PPP2R2A: variants seen among roughly 807,000 people sequenced by gnomAD.
PPP2R2A encodes serine/threonine-protein phosphatase 2A 55 kDa regulatory subunit B alpha isoform.
In PPP2R2A, 9 loss-of-function variants were observed where a neutral mutation model predicts 53.2. The observed-to-expected ratio is 0.17, with a 90% CI of 0.10 to 0.30. PPP2R2A has a LOEUF of 0.30. Ranked by LOEUF, PPP2R2A falls within the 10% of genes least tolerant of loss-of-function variation. The pLI, the probability that PPP2R2A is intolerant of heterozygous loss-of-function variation, is 1.00. For synonymous variants in PPP2R2A, 169 were observed against 174.2 expected (o/e 0.97, Z 0.23); for missense variants, 235 against 534.6 (o/e 0.44, Z 5.53).
chr8:26,354,692 G>A lies in PPP2R2A; in HGVS notation c.346+59G>A. ...TGTGTGTACCTGTTGCACATATCCT[G>A]TAGCCTAGGAGAGGAATCATTTAAC... On this transcript the variant is annotated intron_variant, in intron 4 of 9. Transcript: ENST00000380737. The surrounding 1 kb of genome is among the most constrained non-coding windows in gnomAD (Gnocchi z 4.6). 2 of 1,341,022 alleles carry A rather than the reference G, an allele frequency of 1.5e-6. No individual in the cohort carries two copies. Among genetic ancestry groups the A allele is most frequent in the Non-Finnish European group, 2.0e-6 (2 of 1,019,888 alleles). 83.1% of individuals were successfully genotyped at this position (1,341,022 alleles called of 1,614,324 possible). A position where few individuals can be genotyped will look rare whatever the true frequency, so the allele number is the denominator to read the frequency against.
chr8:26,324,524 G>A (rs897395972), intron 2 of PPP2R2A, among the ~76,000 whole-genome samples: 1 of 152,176 alleles, frequency 6.6e-6, no homozygotes, highest in Non-Finnish European at 1.5e-5. Flanking sequence ...ATGCCTGGAT[G>A]CCCAGACAGA....
At chr8:26,293,116 G>A in intron 1 of PPP2R2A, 1 of 885,558 alleles carries the variant, frequency 1.1e-6, no homozygotes, top group Non-Finnish European at 1.7e-6. Context: ...CATTCATTTC[G>A]GTTTCTTTTC....
At chr8:26,341,752 T>A (rs1208903962) in intron 3 of PPP2R2A, among the ~76,000 whole-genome samples, 1 of 152,170 alleles carries the variant, frequency 6.6e-6, no homozygotes, top group Non-Finnish European at 1.5e-5. Context: ...GTGGCAGGGT[T>A]CCTTCTTAAA....
At chr8:26,333,479 C>G (rs1215102507) in intron 2 of PPP2R2A, 5 of 1,215,498 alleles carry the variant, frequency 4.1e-6, no homozygotes, top group African/African-American at 1.5e-5. Flanking sequence ...TGATTAATTT[C>G]TTTCAGATCA....
intron 4 of PPP2R2A, among the ~76,000 whole-genome samples, chr8:26,356,335 C>T (rs1370828616): frequency 6.6e-6 from 1 of 152,126 alleles, no homozygotes; most frequent in Admixed American, 6.5e-5. Context: ...CTCCTGGGTG[C>T]CCGTTTTTCT....
chr8:26,321,686 T>C lies in PPP2R2A; in HGVS notation c.83-17204T>C, dbSNP rs1802848624. ...CCTGTCAGCAGCCAGGCGCACGAGC[T>C]TGGAAGTAGATCTCCTCCTCCAGTC... is the stretch of plus-strand genomic sequence containing the variant. On this transcript the variant is annotated intron_variant, in intron 2 of 9. Transcript: ENST00000380737. This position sits in a 1 kb window ranked among gnomAD's most constrained non-coding sequence, Gnocchi z 4.1. Among the ~76,000 whole-genome samples the C allele has an allele frequency of 6.6e-6, 1 of 152,194 alleles. No homozygotes were observed. The highest frequency in any genetic ancestry group is 6.5e-5 in the Admixed American group (1 of 15,276).
chr8:26,370,749 G>A lies in PPP2R2A; in HGVS notation c.*336G>A, dbSNP rs1805631328. 1.3e-5 allele frequency: 4 copies of A among 304,284 alleles called. No individual in the cohort carries two copies. The Admixed American group carries it at 1.8e-4, about 14-fold the overall frequency. 18.8% of individuals were successfully genotyped at this position (304,284 alleles called of 1,614,324 possible). On this transcript the variant is annotated 3_prime_UTR_variant, in exon 10 of 10. Coordinates refer to ENST00000380737, the MANE Select transcript of PPP2R2A (RefSeq NM_002717.4). The surrounding 1 kb of genome is among the most constrained non-coding windows in gnomAD (Gnocchi z 6.1). ...CCATTGTGATGACGTCAAACACAGT[G>A]AAAGCCTTCAGTCATGCTATGGGAT...
At chr8:26,346,904 CAGAGA>C (rs1402802479) in intron 3 of PPP2R2A, among the ~76,000 whole-genome samples, 1 of 152,188 alleles carries the variant, frequency 6.6e-6, no homozygotes, top group African/African-American at 2.4e-5. Context: ...ATTTGAGGCA[CAGAGA>C]AGAGTCTGAA....
chr8:26,301,077 CTG>C (rs1801761417), intron 2 of PPP2R2A, among the ~76,000 whole-genome samples: 1 of 152,114 alleles, frequency 6.6e-6, no homozygotes, highest in Non-Finnish European at 1.5e-5. Flanking sequence ...AGTTAATTAA[CTG>C]TATAATCTTG....
Position 26,354,649 on chromosome 8 carries a change from T to C in PPP2R2A, c.346+16T>C. On this transcript the variant is annotated intron_variant, in intron 4 of 9. Transcript: ENST00000380737. The surrounding 1 kb of genome is among the most constrained non-coding windows in gnomAD (Gnocchi z 4.6). ...TCTACCAATGGTAAGTATACATATT[T>C]TCTTTCCATGTGCCCACTGTGTGTA... 1 of 1,567,154 alleles carries C rather than the reference T, an allele frequency of 6.4e-7. No homozygotes were observed. The highest frequency in any genetic ancestry group is 8.7e-7 in the Non-Finnish European group (1 of 1,153,680).
At chr8:26,367,799 C>A (rs1449926834) in intron 9 of PPP2R2A, among the ~76,000 whole-genome samples, 2 of 152,188 alleles carry the variant, frequency 1.3e-5, no homozygotes, top group Non-Finnish European at 2.9e-5. Flanking sequence ...CCATCTAATC[C>A]GGAGACCCAC....
At position 26,321,719 on chromosome 8, in the gene PPP2R2A, C is replaced by T. The variant is rs1393690887; in HGVS notation, c.83-17171C>T. On this transcript the variant is annotated intron_variant, in intron 2 of 9. Coordinates refer to ENST00000380737, the MANE Select transcript of PPP2R2A (RefSeq NM_002717.4). The surrounding 1 kb of genome is among the most constrained non-coding windows in gnomAD (Gnocchi z 4.1). ...AGATCTCCTCCTCCAGTCAGGCTTT[C>T]GGATACCTGCAACTTTGTGAGAGAC... Among the ~76,000 whole-genome samples the T allele has an allele frequency of 3.3e-5, 5 of 152,192 alleles. No individual in the cohort carries two copies. The highest frequency in any genetic ancestry group is 6.5e-5 in the Admixed American group (1 of 15,280).
chr8:26,346,222 C>T (rs2117352525), intron 3 of PPP2R2A, among the ~76,000 whole-genome samples: 1 of 152,172 alleles, frequency 6.6e-6, no homozygotes, highest in Non-Finnish European at 1.5e-5. Context: ...CTCACTGCAA[C>T]TTCCACCACC....
rs1268922691 is a variant in PPP2R2A at position 26,344,022 on chromosome 8, G to A, written c.180+5035G>A. 3.3e-5 allele frequency among the ~76,000 whole-genome samples: 5 copies of A among 152,134 alleles called. No individual in the cohort carries two copies. In the South Asian group the frequency reaches 6.2e-4, roughly 19 times the overall value. ...CTGGTAGTGCAGTCTCCTTTTGCCA[G>A]CTGGGGGCCCAGGTACCAGATTACC... On this transcript the variant is annotated intron_variant, in intron 3 of 9. Coordinates refer to ENST00000380737, the MANE Select transcript of PPP2R2A (RefSeq NM_002717.4).
At chr8:26,299,645 T>G (rs1351849950) in intron 2 of PPP2R2A, among the ~76,000 whole-genome samples, 1 of 152,098 alleles carries the variant, frequency 6.6e-6, no homozygotes, top group Non-Finnish European at 1.5e-5. Context: ...TCACACAATT[T>G]AATGGTTTTA....
intron 3 of PPP2R2A, among the ~76,000 whole-genome samples, chr8:26,340,280 T>G (rs1402826673): frequency 6.6e-6 from 1 of 152,018 alleles, no homozygotes; most frequent in Middle Eastern, 3.2e-3. Context: ...TAGATTACTT[T>G]ATTACTTAGT....
At chr8:26,308,909 G>A (rs568379799) in intron 2 of PPP2R2A, among the ~76,000 whole-genome samples, 1 of 152,078 alleles carries the variant, frequency 6.6e-6, no homozygotes, top group Non-Finnish European at 1.5e-5. Flanking sequence ...TGCCCAGGCT[G>A]CAGTGCAGTG....
At chr8:26,316,555 C>G (rs1050467843) in intron 2 of PPP2R2A, among the ~76,000 whole-genome samples, 1 of 152,150 alleles carries the variant, frequency 6.6e-6, no homozygotes, top group African/African-American at 2.4e-5. Context: ...ATATATTTGT[C>G]TTAGAATGAA....
intron 2 of PPP2R2A, among the ~76,000 whole-genome samples, chr8:26,325,255 T>C (rs957902492): frequency 1.3e-5 from 2 of 151,874 alleles, no homozygotes; most frequent in Non-Finnish European, 2.9e-5. Flanking sequence ...AATTGAATCA[T>C]GGGGGCTGGT....
Sources: allele counts gnomAD v4.1 joint callset (sites outside exome capture counted in the v4.1 genomes callset), GRCh38; gene constraint gnomAD v4.1.1; non-coding constraint Gnocchi (gnomAD v3.1); transcripts MANE v1.5; gene names NCBI Gene and HGNC (gene_info 2026-07-23, HGNC 2026-07-21).